The following ADCY2 variants were observed in gnomAD, a reference collection of about 807,000 sequenced individuals.
ADCY2 encodes adenylate cyclase type 2.
Under a neutral mutation model 125.2 loss-of-function variants are expected in ADCY2, and 31 were observed. The ratio of observed to expected loss-of-function variants is 0.25; its 90% confidence interval spans 0.19 to 0.33. ADCY2 has a LOEUF of 0.33. Ranked by LOEUF, ADCY2 falls within the 10% of genes least tolerant of loss-of-function variation. The pLI, the probability that ADCY2 is intolerant of heterozygous loss-of-function variation, is 1.00. For missense variants in ADCY2, 904 were observed against 1,418.2 expected (o/e 0.64, Z 5.82); for synonymous variants, 512 against 548.4 (o/e 0.93, Z 0.93).
chr5:7,440,563 C>T (rs1740975428), intron 2 of ADCY2, among the ~76,000 whole-genome samples: 1 of 152,150 alleles, frequency 6.6e-6, no homozygotes, highest in African/African-American at 2.4e-5. Flanking sequence ...AAACAGCATT[C>T]TCTGTCCCTT....
chr5:7,616,582 C>T (rs546976306), intron 3 of ADCY2, among the ~76,000 whole-genome samples: 1 of 152,220 alleles, frequency 6.6e-6, no homozygotes, highest in South Asian at 2.1e-4. Flanking sequence ...TAATGAATAT[C>T]CCATCTTGGT....
chr5:7,446,688 A>G (rs2126411108), intron 2 of ADCY2, among the ~76,000 whole-genome samples: 1 of 152,322 alleles, frequency 6.6e-6, no homozygotes. Flanking sequence ...TGCAGTCAGC[A>G]TTCTTGGTCT....
At chr5:7,803,962 A>AC (rs1744678866) in intron 21 of ADCY2, among the ~76,000 whole-genome samples, 1 of 139,680 alleles carries the variant, frequency 7.2e-6, no homozygotes, top group South Asian at 2.1e-4. Context: ...ACACACACAC[A>AC]TGTATATCGT....
intron 2 of ADCY2, among the ~76,000 whole-genome samples, chr5:7,447,412 T>C (rs13175786): frequency 0.16 from 24,369 of 152,080 alleles, 3,062 homozygotes; most frequent in African/African-American, 0.35. Flanking sequence ...GCAAGTCTCT[T>C]ATAGGGATCC....
chr5:7,649,691 CTAA>C (rs1267984380), intron 4 of ADCY2, among the ~76,000 whole-genome samples: 3 of 152,150 alleles, frequency 2.0e-5, no homozygotes, highest in Admixed American at 2.0e-4. Flanking sequence ...CGTCTACACA[CTAA>C]TAACTCCATA....
At chr5:7,437,492 C>T (rs1202155242) in intron 2 of ADCY2, among the ~76,000 whole-genome samples, 1 of 152,238 alleles carries the variant, frequency 6.6e-6, no homozygotes, top group Non-Finnish European at 1.5e-5. Context: ...TACGAAGACC[C>T]TGGTCAGGGA....
chr5:7,682,416 C>T (rs2126715799), intron 4 of ADCY2, among the ~76,000 whole-genome samples: 1 of 152,294 alleles, frequency 6.6e-6, no homozygotes, highest in East Asian at 1.9e-4. Flanking sequence ...CCTCCCATGG[C>T]TTTGCCCCCT....
At position 7,596,332 on chromosome 5, in the gene ADCY2, A is replaced by G. The variant is rs941965180; in HGVS notation, c.571-29835A>G. On this transcript the variant is annotated intron_variant, in intron 3 of 24. Coordinates refer to ENST00000338316, the MANE Select transcript of ADCY2 (RefSeq NM_020546.3). ...AGAACCCAAGGCAATACGAAACTCC[A>G]GGTCCACACGAATAAGTATCTCCAC... 2.0e-5 allele frequency among the ~76,000 whole-genome samples: 3 copies of G among 152,100 alleles called. No individual in the cohort carries two copies. The East Asian group carries it at 5.8e-4, about 29-fold the overall frequency.
intron 2 of ADCY2, among the ~76,000 whole-genome samples, chr5:7,448,700 C>G (rs1291007696): frequency 6.6e-6 from 1 of 152,152 alleles, no homozygotes; most frequent in Admixed American, 6.5e-5. Flanking sequence ...TCTCATCATT[C>G]AGCTCCCACT....
chr5:7,475,120 C>T (rs866444184), intron 2 of ADCY2, among the ~76,000 whole-genome samples: 7 of 152,314 alleles, frequency 4.6e-5, no homozygotes, highest in South Asian at 4.1e-4. Context: ...GAAAGGAACC[C>T]ATTGGCCAGT....
intron 3 of ADCY2, among the ~76,000 whole-genome samples, chr5:7,620,665 T>G (rs929740162): frequency 3.3e-5 from 5 of 152,176 alleles, no homozygotes; most frequent in African/African-American, 1.2e-4. Context: ...CTGATTATTT[T>G]CTCCCCCAGG....
At chr5:7,697,505 T>C (rs557506050) in intron 6 of ADCY2, among the ~76,000 whole-genome samples, 82 of 152,290 alleles carry the variant, frequency 5.4e-4, no homozygotes, top group African/African-American at 2.0e-3. Flanking sequence ...TCACTGTAAC[T>C]GTCATGTTTT....
intron 23 of ADCY2, among the ~76,000 whole-genome samples, chr5:7,819,662 TGTC>T (rs1376233067): frequency 2.0e-5 from 3 of 152,234 alleles, no homozygotes; most frequent in African/African-American, 7.2e-5. Context: ...CCCGACCCTC[TGTC>T]TCTCCCAGGA....
chr5:7,510,042 G>A (rs1028986061), intron 2 of ADCY2, among the ~76,000 whole-genome samples: 5 of 152,186 alleles, frequency 3.3e-5, no homozygotes, highest in South Asian at 2.1e-4. Flanking sequence ...GCAGAATGGG[G>A]TAATGATGAC....
intron 5 of ADCY2, 63 bp downstream of exon 5, chr5:7,690,902 T>G: frequency 4.9e-6 from 7 of 1,433,348 alleles, no homozygotes; most frequent in Non-Finnish European, 5.5e-6. Flanking sequence ...ACATTTTGCC[T>G]GGGATCTCAC....
chr5:7,668,137 G>T (rs1252155597), intron 4 of ADCY2, among the ~76,000 whole-genome samples: 1 of 152,174 alleles, frequency 6.6e-6, no homozygotes, highest in Admixed American at 6.5e-5. Flanking sequence ...GTGTCAATTT[G>T]GGTAGGCCAT....
chr5:7,525,429 A>G (rs1176135979), intron 3 of ADCY2, among the ~76,000 whole-genome samples: 1 of 152,152 alleles, frequency 6.6e-6, no homozygotes, highest in African/African-American at 2.4e-5. Flanking sequence ...CCTGCTTTCT[A>G]GTGGAACAAG....
chr5:7,615,210 G>C, intron 3 of ADCY2, among the ~76,000 whole-genome samples: 1 of 152,146 alleles, frequency 6.6e-6, no homozygotes, highest in Non-Finnish European at 1.5e-5. Context: ...CAACACTGGG[G>C]ACTACAATTC....
chr5:7,486,575 T>G (rs1742939925), intron 2 of ADCY2, among the ~76,000 whole-genome samples: 1 of 152,202 alleles, frequency 6.6e-6, no homozygotes, highest in Non-Finnish European at 1.5e-5. Flanking sequence ...CTATCTAGGC[T>G]GATCATCACT....
Sources: allele counts gnomAD v4.1 joint callset (sites outside exome capture counted in the v4.1 genomes callset), GRCh38; gene constraint gnomAD v4.1.1; transcripts MANE v1.5; gene names NCBI Gene and HGNC (gene_info 2026-07-23, HGNC 2026-07-21).